Variants in CCNDBP1 observed in about 807,000 individuals in gnomAD.
CCNDBP1 encodes cyclin-D1-binding protein 1.
In CCNDBP1, 45 loss-of-function variants were observed where a neutral mutation model predicts 46.2. The ratio of observed to expected loss-of-function variants is 0.97; its 90% CI spans 0.77 to 1.25. The LOEUF is 1.25. CCNDBP1 is among the 50% of genes most tolerant of loss of function. CCNDBP1 has a pLI of 0.00. For missense variants in CCNDBP1, 436 were observed against 442.1 expected (o/e 0.99, Z 0.12); for synonymous variants, 154 against 163.6 (o/e 0.94, Z 0.45).
In CCNDBP1 at chr15:43,195,738, A is replaced by G. The variant is rs1048266274; in HGVS notation, c.*897A>G. The G allele has an allele frequency of 6.6e-6, 1 of 152,186 alleles. No homozygotes were observed. Among genetic ancestry groups the G allele is most frequent in the African/African-American group, 2.4e-5 (1 of 41,442 alleles). 9.4% of individuals were successfully genotyped at this position (152,186 alleles called of 1,614,324 possible). On this transcript the variant is annotated 3_prime_UTR_variant, in exon 11 of 11. Coordinates refer to ENST00000300213, the MANE Select transcript of CCNDBP1 (RefSeq NM_012142.5). Reference sequence around the variant, plus strand: ...TGGTGAGCTGAATAGGGCATTATGCATGTCCTACAGGTCTCCGCCACCTCT... The same window carrying G: ...TGGTGAGCTGAATAGGGCATTATGCGTGTCCTACAGGTCTCCGCCACCTCT...
chr15:43,189,212 T>C lies in CCNDBP1; in HGVS notation c.263T>C (p.Phe88Ser). The C allele has an allele frequency of 6.2e-7, 1 of 1,611,466 alleles. No homozygotes were observed. ...CCTTTTTCATAGGAAACCCAGAAGTTCTGTGAACAAGTCCATGCTGCCATC... is the reference window on the plus strand; with the variant it reads ...CCTTTTTCATAGGAAACCCAGAAGTCCTGTGAACAAGTCCATGCTGCCATC... Reference protein sequence around the residue: ...PLPSPQETQKFCEQVHAAIKA... With the variant: ...PLPSPQETQKSCEQVHAAIKA... Residue 88 changes from phenylalanine to serine, a missense_variant, in exon 4 of 11, where the codon TTC (phenylalanine) becomes TCC (serine). Transcript: ENST00000300213.
rs1204932144 is a variant in CCNDBP1, at chr15:43,194,772, A to T, written c.1014A>T (p.Leu338Phe). The change falls in exon 11 of 11, where the codon TTA (leucine) becomes TTT (phenylalanine). Residue 338 changes from leucine to phenylalanine, a missense_variant. By Grantham distance (22) the Leu-to-Phe change is conservative. Transcript: ENST00000300213. ...TPQPEDSWIP[L>F]LINAIDHCMN... ...AGCCAGAAGATAGTTGGATCCCTTT[A>T]CTTATTAATGCCATTGATCATTGCA... 6.2e-7 allele frequency: 1 copy of T among 1,613,796 alleles called. No individual in the cohort carries two copies. The highest frequency in any genetic ancestry group is 1.3e-5 in the African/African-American group (1 of 74,946).
At chr15:43,193,816 T>C (rs1335333973) in intron 9 of CCNDBP1, among the ~76,000 whole-genome samples, 1 of 152,162 alleles carries the variant, frequency 6.6e-6, no homozygotes, top group Non-Finnish European at 1.5e-5. Flanking sequence ...CACCTTGAAG[T>C]AGAATAGGAT....
intron 10 of CCNDBP1, 68 bp downstream of exon 10, chr15:43,194,529 C>A: frequency 8.1e-7 from 1 of 1,239,956 alleles, no homozygotes; most frequent in Non-Finnish European, 1.2e-6. Flanking sequence ...ACGTTCTCAA[C>A]TCCCTAGCTC....
At chr15:43,193,550 C>T (rs1596395391) in intron 9 of CCNDBP1, among the ~76,000 whole-genome samples, 1 of 152,076 alleles carries the variant, frequency 6.6e-6, no homozygotes, top group Non-Finnish European at 1.5e-5. Context: ...CAGAAACATA[C>T]TCTGTTCTAA....
In CCNDBP1 at chr15:43,196,161, C is replaced by CT. The variant is rs763190038; in HGVS notation, c.*1321dup. The CT allele has an allele frequency of 2.0e-5, 3 of 151,842 alleles. No homozygotes were observed. Among genetic ancestry groups the CT allele is most frequent in the Non-Finnish European group, 4.4e-5 (3 of 68,016 alleles). 9.4% of individuals were successfully genotyped at this position (151,842 alleles called of 1,614,324 possible). A position where few individuals can be genotyped will look rare whatever the true frequency, so the allele number is the denominator to read the frequency against. On this transcript the variant is annotated 3_prime_UTR_variant, in exon 11 of 11. Coordinates refer to ENST00000300213, the MANE Select transcript of CCNDBP1 (RefSeq NM_012142.5). ...TGGGATACTTAATGAATATAGAACT[C>CT]TAATATAAAGACTTACCTCTAGCTG...
At chr15:43,185,682 G>A (rs2041804329) in intron 1 of CCNDBP1, 75 bp downstream of exon 1, 1 of 1,424,522 alleles carries the variant, frequency 7.0e-7, no homozygotes, top group South Asian at 1.3e-5. Flanking sequence ...TCGGGGTCGG[G>A]GAGAGGCCGG....
intron 3 of CCNDBP1, among the ~76,000 whole-genome samples, chr15:43,187,746 G>C (rs1410728238): frequency 2.6e-5 from 4 of 152,164 alleles, no homozygotes. Flanking sequence ...CTGCAAGTAA[G>C]ATACCACAAG....
At chr15:43,189,783 A>G (rs2041917918) in intron 4 of CCNDBP1, 2 of 447,710 alleles carry the variant, frequency 4.5e-6, no homozygotes, top group South Asian at 3.7e-5. Flanking sequence ...TTTCATCTAC[A>G]GTTGTTAAGA....
At chr15:43,187,995 T>A (rs2041880706) in intron 3 of CCNDBP1, among the ~76,000 whole-genome samples, 1 of 152,190 alleles carries the variant, frequency 6.6e-6, no homozygotes. Context: ...GTTGTTGGTT[T>A]TTTTTTGTTG....
chr15:43,194,943 A>C lies in CCNDBP1; in HGVS notation c.*102A>C. The C allele has an allele frequency of 1.4e-6, 1 of 716,480 alleles. No individual in the cohort carries two copies. Among genetic ancestry groups the C allele is most frequent in the African/African-American group, 1.8e-5 (1 of 55,450 alleles). The allele number at this position is 716,480 out of a possible 1,614,324, so 44.4% of individuals were successfully genotyped here. A position where few individuals can be genotyped will look rare whatever the true frequency, so the allele number is the denominator to read the frequency against. ...TAGAATGCTTGCTGGATTGAAAGGG[A>C]GTGCCTATCTATATTTAGCAAGAGA... On this transcript the variant is annotated 3_prime_UTR_variant, in exon 11 of 11. Coordinates refer to ENST00000300213, the MANE Select transcript of CCNDBP1 (RefSeq NM_012142.5).
At position 43,197,159 on chromosome 15, in the gene CCNDBP1, G is replaced by T; in HGVS notation, c.*2318G>T. 8.5e-7 allele frequency: 1 copy of T among 1,178,666 alleles called. No homozygotes were observed. Among genetic ancestry groups the T allele is most frequent in the Non-Finnish European group, 1.2e-6 (1 of 812,046 alleles). 73.0% of individuals were successfully genotyped at this position (1,178,666 alleles called of 1,614,324 possible). On this transcript the variant is annotated 3_prime_UTR_variant, in exon 11 of 11. Transcript: ENST00000300213. ...CCTGCAGAGCCGTGAGCCAAATAAAGCTCTTTTCTTTTAAACTACCCAGCC... is the reference window on the plus strand; with the variant it reads ...CCTGCAGAGCCGTGAGCCAAATAAATCTCTTTTCTTTTAAACTACCCAGCC...
chr15:43,193,397 G>A (rs1434543816), intron 9 of CCNDBP1: 2 of 139,196 alleles, frequency 1.4e-5, no homozygotes, highest in Non-Finnish European at 3.1e-5. Flanking sequence ...TAATTACACG[G>A]TAATTTAGGA....
rs1340409183 is a variant in CCNDBP1, at chr15:43,194,743, C to T, written c.985C>T (p.Pro329Ser). 6.2e-7 allele frequency: 1 copy of T among 1,611,214 alleles called. No homozygotes were observed. The highest frequency in any genetic ancestry group is 8.5e-7 in the Non-Finnish European group (1 of 1,177,392). The change falls in exon 11 of 11, where the codon CCT (proline) becomes TCT (serine). Residue 329 changes from proline to serine, a missense_variant. Coordinates refer to ENST00000300213, the MANE Select transcript of CCNDBP1 (RefSeq NM_012142.5). ...TATTCACAGAGCAAGTCATGTGACCCCTCAGCCAGAAGATAGTTGGATCCC... is the reference window on the plus strand; with the variant it reads ...TATTCACAGAGCAAGTCATGTGACCTCTCAGCCAGAAGATAGTTGGATCCC... ...LEITKASHVT[P>S]QPEDSWIPLL...
At chr15:43,187,528 C>T (rs1303925534) in intron 3 of CCNDBP1, among the ~76,000 whole-genome samples, 1 of 152,272 alleles carries the variant, frequency 6.6e-6, no homozygotes, top group East Asian at 1.9e-4. Flanking sequence ...CCTTGGCCTC[C>T]CACAGTGTTG....
Position 43,185,828 on chromosome 15 carries a change from G to A in CCNDBP1, c.118G>A (p.Ala40Thr). The A allele has an allele frequency of 6.2e-7, 1 of 1,611,270 alleles. No individual in the cohort carries two copies. The highest frequency in any genetic ancestry group is 1.7e-5 in the Admixed American group (1 of 59,998). ...LLLPRVRVGE[A>T]QETTEEFNRE... is the part of the protein sequence containing the mutation. ...CACGCCACACCCACAAGTCGGCGAA[G>A]CCCAGGAGACCACCGAGGAGTTTAA... The change falls in exon 2 of 11, where the codon GCC (alanine) becomes ACC (threonine). Residue 40 changes from alanine (A) to threonine (T), a missense_variant. Coordinates refer to ENST00000300213, the MANE Select transcript of CCNDBP1 (RefSeq NM_012142.5).
chr15:43,197,068 C>G lies in CCNDBP1; in HGVS notation c.*2227C>G. On this transcript the variant is annotated 3_prime_UTR_variant, in exon 11 of 11. Coordinates refer to ENST00000300213, the MANE Select transcript of CCNDBP1 (RefSeq NM_012142.5). ...ATTCTTGCCCTGTGATCTCTGCTCACGTTGCCTCCCTTCATCTTCCTGCAT... is the reference window on the plus strand; with the variant it reads ...ATTCTTGCCCTGTGATCTCTGCTCAGGTTGCCTCCCTTCATCTTCCTGCAT... 1 of 548,998 alleles carries G rather than the reference C, an allele frequency of 1.8e-6. No homozygotes were observed. Among genetic ancestry groups the G allele is most frequent in the South Asian group, 2.0e-5 (1 of 50,850 alleles). 34.0% of individuals were successfully genotyped at this position (548,998 alleles called of 1,614,324 possible). A position where few individuals can be genotyped will look rare whatever the true frequency, so the allele number is the denominator to read the frequency against.
At chr15:43,189,311 T>G in intron 4 of CCNDBP1, 31 bp downstream of exon 4, 1 of 1,326,018 alleles carries the variant, frequency 7.5e-7, no homozygotes, top group East Asian at 2.3e-5. Flanking sequence ...ATTTATCGTG[T>G]AGATCTTTGC....
intron 2 of CCNDBP1, 77 bp from the exon 3 acceptor site, chr15:43,186,077 C>T (rs1194961511): frequency 2.9e-6 from 4 of 1,393,252 alleles, no homozygotes; most frequent in Admixed American, 1.7e-5. Context: ...TGAGAAGTCT[C>T]GGTCGGTAAG....
Sources: allele counts gnomAD v4.1 joint callset (sites outside exome capture counted in the v4.1 genomes callset), GRCh38; gene constraint gnomAD v4.1.1; transcripts MANE v1.5; gene names NCBI Gene and HGNC (gene_info 2026-07-23, HGNC 2026-07-21).